The following RAPGEF1 variants were observed in gnomAD, a reference collection of about 807,000 sequenced individuals.
RAPGEF1 encodes the protein CRK SH3-binding GNRP.
RAPGEF1 carries 33 observed loss-of-function variants against 143.3 expected under a neutral mutation model. The ratio of observed to expected loss-of-function variants is 0.23; its 90% CI spans 0.17 to 0.31. The LOEUF (loss-of-function observed/expected upper bound fraction) is 0.31. Among genes scored for constraint, RAPGEF1 ranks in the 10% least tolerant of loss-of-function variants. The pLI is 1.00. For synonymous variants in RAPGEF1, 629 were observed against 676.5 expected (o/e 0.93, Z 1.09); for missense variants, 1,199 against 1,645.4 (o/e 0.73, Z 4.69).
intron 15 of RAPGEF1, among the ~76,000 whole-genome samples, chr9:131,601,461 T>C (rs905279919): frequency 1.1e-4 from 17 of 152,320 alleles, no homozygotes; most frequent in African/African-American, 3.6e-4. Context: ...GTAAGGTAGA[T>C]AATATAGGTG....
chr9:131,608,630 T>TG (rs1957495181), intron 12 of RAPGEF1, among the ~76,000 whole-genome samples: 1 of 152,122 alleles, frequency 6.6e-6, no homozygotes, highest in African/African-American at 2.4e-5. Context: ...AGCTGTGAGC[T>TG]CACGTTCTGG....
chr9:131,592,599 C>T (rs1216469368), intron 17 of RAPGEF1, among the ~76,000 whole-genome samples: 1 of 152,082 alleles, frequency 6.6e-6, no homozygotes, highest in Non-Finnish European at 1.5e-5. Context: ...AGGAGCCAGC[C>T]CTGGATTAGA....
chr9:131,671,750 C>G (rs1831436798), intron 1 of RAPGEF1, among the ~76,000 whole-genome samples: 1 of 152,062 alleles, frequency 6.6e-6, no homozygotes, highest in Non-Finnish European at 1.5e-5. Flanking sequence ...GGCAGTTGAG[C>G]TGGGGGAGAA....
In RAPGEF1 at chr9:131,650,869, A is replaced by G; in HGVS notation, c.142T>C (p.Ser48Pro). Reference sequence around the variant, plus strand: ...ACCTCAGCTGGTTTTCCCTTCTTTGATGGCGTTCTCTTGATTTTGGGTGAG... The same window carrying G: ...ACCTCAGCTGGTTTTCCCTTCTTTGGTGGCGTTCTCTTGATTTTGGGTGAG... ...FHSPKIKRTP[S>P]KKGKPAEVSV... Residue 48 changes from serine to proline, a missense_variant, in exon 2 of 27, where the codon TCA becomes CCA. Physicochemically the swap from Ser to Pro is moderately conservative, Grantham distance 74. Transcript: ENST00000683357. The surrounding 1 kb of genome is among the most constrained non-coding windows in gnomAD (Gnocchi z 4.7). 1 of 1,613,982 alleles carries G rather than the reference A, an allele frequency of 6.2e-7. No homozygotes were observed. The highest frequency in any genetic ancestry group is 8.5e-7 in the Non-Finnish European group (1 of 1,179,880).
In RAPGEF1 at chr9:131,628,509, C is replaced by T. The variant is rs767861484; in HGVS notation, c.1017+40G>A. 4 of 1,599,496 alleles carry T rather than the reference C, an allele frequency of 2.5e-6. No homozygotes were observed. Among genetic ancestry groups the T allele is most frequent in the African/African-American group, 1.3e-5 (1 of 74,678 alleles). On this transcript the variant is annotated intron_variant, in intron 8 of 26. Transcript: ENST00000683357. This position sits in a 1 kb window ranked among gnomAD's most constrained non-coding sequence, Gnocchi z 5.7. ...AGCCACATCCCTGAGCCCCCCACCC[C>T]CTCCCTGCCTTCCCATGCAGGGAAC...
chr9:131,670,095 A>G (rs57828217), intron 1 of RAPGEF1, among the ~76,000 whole-genome samples: 5,450 of 152,316 alleles, frequency 0.036, 213 homozygotes, highest in East Asian at 0.09. Flanking sequence ...ACAGACAGGG[A>G]GAGTGAGGCC....
intron 12 of RAPGEF1, among the ~76,000 whole-genome samples, chr9:131,614,513 T>C (rs1958591398): frequency 6.6e-6 from 1 of 152,176 alleles, no homozygotes; most frequent in Admixed American, 6.5e-5. Context: ...GGATGGTTTG[T>C]GGCCAGGAGG....
At chr9:131,614,172 C>T (rs1175392888) in intron 12 of RAPGEF1, among the ~76,000 whole-genome samples, 1 of 151,924 alleles carries the variant, frequency 6.6e-6, no homozygotes, top group Non-Finnish European at 1.5e-5. Flanking sequence ...CCTTGAGAAA[C>T]CCCTCTCCCA....
chr9:131,615,793 T>C (rs181727075), intron 12 of RAPGEF1, among the ~76,000 whole-genome samples: 3 of 152,282 alleles, frequency 2.0e-5, no homozygotes, highest in Non-Finnish European at 4.4e-5. Context: ...AAATCCCGAC[T>C]GCCCTTCAAG....
chr9:131,711,161 C>T (rs1012673208), intron 1 of RAPGEF1, among the ~76,000 whole-genome samples: 12 of 149,368 alleles, frequency 8.0e-5, no homozygotes, highest in Non-Finnish European at 1.6e-4. Flanking sequence ...AGCAATCCTC[C>T]TCCCTCAGCC....
At position 131,628,125 on chromosome 9, in the gene RAPGEF1, A is replaced by T. The variant is rs1963801501; in HGVS notation, c.1018-29T>A. The T allele has an allele frequency of 3.3e-6, 5 of 1,496,424 alleles. No individual in the cohort carries two copies. The East Asian group carries it at 1.2e-4, about 37-fold the overall frequency. The allele number at this position is 1,496,424 out of a possible 1,614,324, so 92.7% of individuals were successfully genotyped here. On this transcript the variant is annotated intron_variant, in intron 8 of 26. Transcript: ENST00000683357. The surrounding 1 kb of genome is among the most constrained non-coding windows in gnomAD (Gnocchi z 5.7). ...AAGTGGAAAAAGAAAAACAAAGCCAAATCACTTCTGAGAAACGGTGGCACA... is the reference window on the plus strand; with the variant it reads ...AAGTGGAAAAAGAAAAACAAAGCCATATCACTTCTGAGAAACGGTGGCACA...
chr9:131,722,742 T>C (rs898941288), intron 1 of RAPGEF1, among the ~76,000 whole-genome samples: 1 of 152,240 alleles, frequency 6.6e-6, no homozygotes, highest in African/African-American at 2.4e-5. Flanking sequence ...GGCTCCCACC[T>C]GTAATCCCAA....
intron 1 of RAPGEF1, 107 bp from the exon 2 acceptor site, chr9:131,651,056 G>T: frequency 7.5e-7 from 1 of 1,339,268 alleles, no homozygotes; most frequent in Non-Finnish European, 1.0e-6. Context: ...TTTTTTCTTG[G>T]CTGTTGAGAG....
At chr9:131,683,881 T>C (rs926573080) in intron 1 of RAPGEF1, among the ~76,000 whole-genome samples, 9 of 152,386 alleles carry the variant, frequency 5.9e-5, no homozygotes, top group Middle Eastern at 6.8e-3. Context: ...CTGATGACTT[T>C]ATCTACCCAA....
At chr9:131,663,416 C>T (rs747458538) in intron 1 of RAPGEF1, among the ~76,000 whole-genome samples, 17 of 151,662 alleles carry the variant, frequency 1.1e-4, no homozygotes, top group Non-Finnish European at 2.2e-4. Context: ...ATAATATTTG[C>T]TCCATAAGCA....
At position 131,740,076 on chromosome 9, in the gene RAPGEF1, C is replaced by T. The variant is rs1837652588; in HGVS notation, c.-246G>A. 1 of 145,384 alleles carries T rather than the reference C, an allele frequency of 6.9e-6. No individual in the cohort carries two copies. The highest frequency in any genetic ancestry group is 6.8e-5 in the Admixed American group (1 of 14,680). 9.0% of individuals were successfully genotyped at this position (145,384 alleles called of 1,614,324 possible). A position where few individuals can be genotyped will look rare whatever the true frequency, so the allele number is the denominator to read the frequency against. ...CCGCGAGCCGGCCGCAGCGCAGCGA[C>T]GCCGCCCGCCCGCCCGCCGGGCCTC... On this transcript the variant is annotated 5_prime_UTR_variant, in exon 1 of 27. Transcript: ENST00000683357. The surrounding 1 kb of genome is among the most constrained non-coding windows in gnomAD (Gnocchi z 4.5).
chr9:131,716,545 T>C (rs1835877618), intron 1 of RAPGEF1, among the ~76,000 whole-genome samples: 1 of 152,170 alleles, frequency 6.6e-6, no homozygotes, highest in African/African-American at 2.4e-5. Flanking sequence ...GTAGGTTGAT[T>C]ACTTGAGCCC....
At chr9:131,669,709 C>T (rs927678341) in intron 1 of RAPGEF1, among the ~76,000 whole-genome samples, 3 of 152,200 alleles carry the variant, frequency 2.0e-5, no homozygotes, top group African/African-American at 7.2e-5. Flanking sequence ...CTACTGATAC[C>T]AGCTGACTCT....
chr9:131,704,749 A>G (rs1410420536), intron 1 of RAPGEF1, among the ~76,000 whole-genome samples: 1 of 152,162 alleles, frequency 6.6e-6, no homozygotes, highest in African/African-American at 2.4e-5. Context: ...AGGGAAAAAA[A>G]GAGAGGAAAG....
Sources: allele counts gnomAD v4.1 joint callset (sites outside exome capture counted in the v4.1 genomes callset), GRCh38; gene constraint gnomAD v4.1.1; non-coding constraint Gnocchi (gnomAD v3.1); transcripts MANE v1.5; gene names NCBI Gene and HGNC (gene_info 2026-07-23, HGNC 2026-07-21).